EYS: variants seen among roughly 807,000 people sequenced by gnomAD.
EYS encodes the protein protein eyes shut homolog.
A neutral mutation model predicts 282.1 loss-of-function variants in EYS; 250 were observed. The observed-to-expected ratio is 0.89, with a 90% CI of 0.80 to 0.98. EYS has a LOEUF of 0.98. Ranked by LOEUF, EYS falls within the 50% of genes least tolerant of loss-of-function variation. The pLI, the probability that EYS is intolerant of heterozygous loss-of-function variation, is 0.00. For missense variants in EYS, 4,016 were observed against 3,709.0 expected, an observed-to-expected ratio of 1.08 and a Z score of -2.15; for synonymous variants, 1,355 against 1,282.9, an observed-to-expected ratio of 1.06 and a Z score of -1.20.
chr6:64,205,814 T>TACAC (rs147264812), intron 31 of EYS, among the ~76,000 whole-genome samples: 12,596 of 136,168 alleles, frequency 0.093, 844 homozygotes, highest in African/African-American at 0.2. Flanking sequence ...TAGGCATTCA[T>TACAC]ACACACACAC....
At chr6:64,325,385 A>T (rs1770376125) in intron 29 of EYS, among the ~76,000 whole-genome samples, 2 of 152,194 alleles carry the variant, frequency 1.3e-5, no homozygotes, top group South Asian at 4.1e-4. Context: ...CATCAAGGGA[A>T]CACCCTGTGG....
At chr6:64,800,437 G>A (rs926820025) in intron 22 of EYS, among the ~76,000 whole-genome samples, 14 of 151,780 alleles carry the variant, frequency 9.2e-5, no homozygotes, top group Admixed American at 5.9e-4. Flanking sequence ...AACCACTGAA[G>A]CAAACCAAAA....
chr6:63,780,651 T>C (rs573206819), intron 39 of EYS, among the ~76,000 whole-genome samples: 1,836 of 152,248 alleles, frequency 0.012, 31 homozygotes, highest in African/African-American at 0.042. Context: ...GATATTAGCC[T>C]TTTGTCAGAT....
chr6:64,198,134 A>G (rs1198458526), intron 31 of EYS, among the ~76,000 whole-genome samples: 1 of 150,848 alleles, frequency 6.6e-6, no homozygotes, highest in Non-Finnish European at 1.5e-5. Context: ...CCGGGACTAC[A>G]GGCGCCCGCC....
At chr6:64,829,787 G>T (rs1765162072) in intron 19 of EYS, among the ~76,000 whole-genome samples, 1 of 151,960 alleles carries the variant, frequency 6.6e-6, no homozygotes, top group African/African-American at 2.4e-5. Context: ...GAACCAGGGG[G>T]TAAAAGTGAG....
chr6:64,001,455 T>C (rs1768089855), intron 33 of EYS, among the ~76,000 whole-genome samples: 1 of 152,234 alleles, frequency 6.6e-6, no homozygotes, highest in Non-Finnish European at 1.5e-5. Flanking sequence ...ACCGACTTTT[T>C]TTTTCAGTGT....
chr6:64,700,725 G>T (rs902393819), intron 22 of EYS, among the ~76,000 whole-genome samples: 2 of 151,898 alleles, frequency 1.3e-5, no homozygotes, highest in African/African-American at 4.8e-5. Context: ...AATCATAGAT[G>T]ATTCAAACAA....
intron 15 of EYS, among the ~76,000 whole-genome samples, chr6:64,923,159 A>T (rs1012859458): frequency 6.6e-6 from 1 of 152,014 alleles, no homozygotes; most frequent in Admixed American, 6.6e-5. Flanking sequence ...GGGGAAAAAA[A>T]GGTTTCATTG....
chr6:64,164,042 C>A (rs142340984), intron 31 of EYS, among the ~76,000 whole-genome samples: 1 of 152,146 alleles, frequency 6.6e-6, no homozygotes, highest in East Asian at 1.9e-4. Context: ...GACTCTCAGA[C>A]AATGTTTCTG....
intron 30 of EYS, among the ~76,000 whole-genome samples, chr6:64,279,602 T>C (rs1358857231): frequency 1.3e-5 from 2 of 152,186 alleles, no homozygotes; most frequent in African/African-American, 4.8e-5. Context: ...CAGATATGCA[T>C]TACTGTATTA....
chr6:65,684,978 T>G (rs1768963170), intron 1 of EYS, among the ~76,000 whole-genome samples: 1 of 151,920 alleles, frequency 6.6e-6, no homozygotes, highest in African/African-American at 2.4e-5. Context: ...AACTTATGAA[T>G]GAAAACAGGC....
At chr6:65,593,406 G>C (rs1257421002) in intron 2 of EYS, among the ~76,000 whole-genome samples, 1 of 152,050 alleles carries the variant, frequency 6.6e-6, no homozygotes, top group East Asian at 1.9e-4. Context: ...CGAAACTGGT[G>C]CAAGCTAAGA....
chr6:64,454,090 C>T (rs747138184), intron 26 of EYS, among the ~76,000 whole-genome samples: 1 of 152,122 alleles, frequency 6.6e-6, no homozygotes, highest in African/African-American at 2.4e-5. Flanking sequence ...TCCACCCCTA[C>T]CTTTGGCCTT....
intron 5 of EYS, among the ~76,000 whole-genome samples, chr6:65,412,232 A>G (rs2150370643): frequency 6.6e-6 from 1 of 152,242 alleles, no homozygotes; most frequent in Admixed American, 6.5e-5. Context: ...GTGATAAATA[A>G]ATGTTTAAGC....
chr6:65,056,677 A>G (rs1773426107), intron 13 of EYS, among the ~76,000 whole-genome samples: 1 of 152,124 alleles, frequency 6.6e-6, no homozygotes, highest in Non-Finnish European at 1.5e-5. Flanking sequence ...TTAAATAAGT[A>G]TGAATTGATA....
At chr6:65,595,005 T>A (rs1765358094) in intron 2 of EYS, among the ~76,000 whole-genome samples, 1 of 152,234 alleles carries the variant, frequency 6.6e-6, no homozygotes, top group South Asian at 2.1e-4. Flanking sequence ...AGGGCTCTGT[T>A]CTGTTCCATT....
At chr6:65,443,891 T>G (rs1375880713) in intron 5 of EYS, among the ~76,000 whole-genome samples, 1 of 151,894 alleles carries the variant, frequency 6.6e-6, no homozygotes, top group Non-Finnish European at 1.5e-5. Context: ...TTAATCCTCA[T>G]GTTAGTTCCT....
intron 29 of EYS, among the ~76,000 whole-genome samples, chr6:64,371,577 T>G (rs1772374940): frequency 6.6e-6 from 1 of 152,124 alleles, no homozygotes; most frequent in Non-Finnish European, 1.5e-5. Flanking sequence ...GTTAATTTTC[T>G]GCCTTGATGA....
chr6:64,589,514 T>C (rs1047813248), intron 26 of EYS, among the ~76,000 whole-genome samples: 1 of 152,078 alleles, frequency 6.6e-6, no homozygotes, highest in Admixed American at 6.6e-5. Flanking sequence ...CCTTTTTCCT[T>C]TTTTACATCC....
Sources: allele counts gnomAD v4.1 joint callset (sites outside exome capture counted in the v4.1 genomes callset), GRCh38; gene constraint gnomAD v4.1.1; transcripts MANE v1.5; gene names NCBI Gene and HGNC (gene_info 2026-07-23, HGNC 2026-07-21).